KAZN: variants seen among roughly 807,000 people sequenced by gnomAD.
KAZN encodes kazrin.
Under a neutral mutation model 87.4 loss-of-function variants are expected in KAZN, and 40 were observed. The ratio of observed to expected loss-of-function variants is 0.46; its 90% CI spans 0.36 to 0.60. The LOEUF is 0.60. Ranked by LOEUF, KAZN falls within the 20% of genes least tolerant of loss-of-function variation. The pLI, the probability that KAZN is intolerant of heterozygous loss-of-function variation, is 0.00. For missense variants in KAZN, 898 were observed against 1,073.9 expected (o/e 0.84, Z 2.29); for synonymous variants, 466 against 458.3 (o/e 1.02, Z -0.22).
At chr1:15,003,547 A>C (rs749194927) in intron 2 of KAZN, among the ~76,000 whole-genome samples, 5 of 152,236 alleles carry the variant, frequency 3.3e-5, no homozygotes. Context: ...CCAACAGAAC[A>C]AAAAGAAAAA....
intron 1 of KAZN, among the ~76,000 whole-genome samples, chr1:14,876,915 T>C (rs1356447557): frequency 2.6e-5 from 4 of 152,240 alleles, no homozygotes; most frequent in African/African-American, 2.4e-5. Context: ...TTTGGGCAAG[T>C]TGAAACCAAC....
At chr1:14,928,403 C>G (rs1488690923) in intron 1 of KAZN, among the ~76,000 whole-genome samples, 1 of 151,092 alleles carries the variant, frequency 6.6e-6, no homozygotes, top group Non-Finnish European at 1.5e-5. Context: ...GAACCGAGAT[C>G]GTGCCACTGC....
intron 1 of KAZN, among the ~76,000 whole-genome samples, chr1:14,021,742 A>G (rs1270061939): frequency 1.3e-5 from 2 of 152,206 alleles, no homozygotes; most frequent in African/African-American, 4.8e-5. Flanking sequence ...GAAAGACCCA[A>G]GCAAAGTGTC....
intron 1 of KAZN, among the ~76,000 whole-genome samples, chr1:14,802,602 C>T (rs1234960092): frequency 2.6e-5 from 4 of 152,108 alleles, no homozygotes; most frequent in Non-Finnish European, 4.4e-5. Flanking sequence ...GGTCCCAGAG[C>T]GCAGCCGTCT....
intron 2 of KAZN, among the ~76,000 whole-genome samples, chr1:14,497,767 T>C (rs904736991): frequency 6.6e-6 from 1 of 152,022 alleles, no homozygotes; most frequent in Non-Finnish European, 1.5e-5. Context: ...GATCAACATA[T>C]TGACTATTGC....
rs61771951 is a variant in KAZN, at chr1:14,599,608, C to T, written c.226+385C>T. Among the ~76,000 whole-genome samples, 77 of 152,212 alleles carry T rather than the reference C, an allele frequency of 5.1e-4. 1 individual carries two copies. The highest frequency in any genetic ancestry group is 9.7e-4 in the Non-Finnish European group (66 of 68,034). On this transcript the variant is annotated intron_variant, in intron 1 of 14. Coordinates refer to ENST00000376030, the MANE Select transcript of KAZN (RefSeq NM_201628.3). The surrounding 1 kb of genome is among the most constrained non-coding windows in gnomAD (Gnocchi z 4.4). Reference sequence around the variant, plus strand: ...GGGGTGAATGGCACAGTTCCCCCCACTTCCTTAGGCTCCTTCCCAGAGAGA... The same window carrying T: ...GGGGTGAATGGCACAGTTCCCCCCATTTCCTTAGGCTCCTTCCCAGAGAGA...
intron 2 of KAZN, among the ~76,000 whole-genome samples, chr1:14,408,219 T>G (rs887405642): frequency 1.3e-5 from 2 of 152,212 alleles, no homozygotes; most frequent in African/African-American, 4.8e-5. Flanking sequence ...AGTTTATGCA[T>G]GAGAAGGAGG....
chr1:14,935,583 C>A (rs1221627296), intron 1 of KAZN, among the ~76,000 whole-genome samples: 1 of 152,210 alleles, frequency 6.6e-6, no homozygotes, highest in African/African-American at 2.4e-5. Flanking sequence ...ACAAGCCCTG[C>A]AAGGCGATGC....
intron 1 of KAZN, among the ~76,000 whole-genome samples, chr1:14,789,833 A>G (rs1645621650): frequency 6.9e-6 from 1 of 145,836 alleles, no homozygotes; most frequent in Non-Finnish European, 1.5e-5. Flanking sequence ...CACACAGTTA[A>G]TATGTTTGCT....
intron 1 of KAZN, among the ~76,000 whole-genome samples, chr1:14,648,360 T>A (rs1264772183): frequency 4.6e-5 from 7 of 152,234 alleles, no homozygotes; most frequent in Non-Finnish European, 8.8e-5. Context: ...AAAGGAAATC[T>A]TACTTGGAAA....
intron 5 of KAZN, among the ~76,000 whole-genome samples, chr1:15,058,633 A>T (rs1348676191): frequency 6.6e-6 from 1 of 152,226 alleles, no homozygotes; most frequent in Admixed American, 6.5e-5. Context: ...AGGCACCATG[A>T]GCTCTGGGAT....
At chr1:15,024,123 GCTGAAGC>G (rs1252594614) in intron 2 of KAZN, among the ~76,000 whole-genome samples, 1 of 152,124 alleles carries the variant, frequency 6.6e-6, no homozygotes, top group Non-Finnish European at 1.5e-5. Flanking sequence ...TGAGGTCCAG[GCTGAAGC>G]CTGTGGTTGG....
intron 2 of KAZN, among the ~76,000 whole-genome samples, chr1:14,576,759 A>G (rs1417854611): frequency 6.6e-6 from 1 of 152,192 alleles, no homozygotes; most frequent in East Asian, 1.9e-4. Context: ...TTGCTTATGA[A>G]CAGGTTATTT....
chr1:14,536,988 CTG>C (rs1337729524), intron 2 of KAZN, among the ~76,000 whole-genome samples: 1 of 152,178 alleles, frequency 6.6e-6, no homozygotes, highest in African/African-American at 2.4e-5. Context: ...GTTCACTAGA[CTG>C]TGAGCTCTGA....
chr1:14,268,471 TAA>T (rs70997129), intron 2 of KAZN, among the ~76,000 whole-genome samples: 27 of 140,542 alleles, frequency 1.9e-4, no homozygotes, highest in Non-Finnish European at 2.3e-4. Context: ...GACACTGTGT[TAA>T]AAAAAAAAAA....
At chr1:14,830,556 C>T (rs1028552321) in intron 1 of KAZN, among the ~76,000 whole-genome samples, 1 of 152,178 alleles carries the variant, frequency 6.6e-6, no homozygotes, top group Non-Finnish European at 1.5e-5. Flanking sequence ...ACCCACAGTT[C>T]TGCAGGCTGT....
At chr1:14,016,959 G>A (rs900734247) in intron 1 of KAZN, among the ~76,000 whole-genome samples, 4 of 152,102 alleles carry the variant, frequency 2.6e-5, no homozygotes, top group Non-Finnish European at 4.4e-5. Flanking sequence ...TTGCTGCTTT[G>A]GCAGAGTTTT....
At chr1:14,365,361 C>A (rs1659892890) in intron 2 of KAZN, among the ~76,000 whole-genome samples, 1 of 43,826 alleles carries the variant, frequency 2.3e-5, no homozygotes, top group Non-Finnish European at 5.0e-5. Flanking sequence ...ACCCCCTCCC[C>A]CCGGGGTGGG....
chr1:14,570,120 TTAATAA>T, intron 2 of KAZN, among the ~76,000 whole-genome samples: 1 of 152,000 alleles, frequency 6.6e-6, no homozygotes, highest in East Asian at 1.9e-4. Context: ...CTCAAAAAAA[TTAATAA>T]TAAAAAATTT....
Sources: allele counts gnomAD v4.1 joint callset (sites outside exome capture counted in the v4.1 genomes callset), GRCh38; gene constraint gnomAD v4.1.1; non-coding constraint Gnocchi (gnomAD v3.1); transcripts MANE v1.5; gene names NCBI Gene and HGNC (gene_info 2026-07-23, HGNC 2026-07-21).